The following TRHDE variants were observed in gnomAD, a reference collection of about 807,000 sequenced individuals.
The protein encoded by TRHDE is thyrotropin-releasing hormone-degrading ectoenzyme.
A neutral mutation model predicts 125.7 loss-of-function variants in TRHDE; 72 were observed. The observed-to-expected ratio is 0.57, with a 90% CI of 0.47 to 0.70. The LOEUF is 0.70. Ranked by LOEUF, TRHDE falls within the 30% of genes least tolerant of loss-of-function variation. The pLI, the probability that TRHDE is intolerant of heterozygous loss-of-function variation, is 0.00. For missense variants in TRHDE, 1,110 were observed against 1,327.1 expected (o/e 0.84, Z 2.54); for synonymous variants, 509 against 509.1 (o/e 1.00, Z 0.00).
chr12:72,260,171 T>C (rs1878916557), intron 2 of TRHDE, among the ~76,000 whole-genome samples: 1 of 152,184 alleles, frequency 6.6e-6, no homozygotes, highest in Non-Finnish European at 1.5e-5. Context: ...AGGTGCTTCT[T>C]ACCTTATATG....
At chr12:72,481,489 A>C (rs1017112243) in intron 5 of TRHDE, among the ~76,000 whole-genome samples, 1 of 151,566 alleles carries the variant, frequency 6.6e-6, no homozygotes, top group African/African-American at 2.4e-5. Context: ...TCAACACTTT[A>C]CATATATTAA....
chr12:72,249,100 C>T (rs1878631558), intron 2 of TRHDE, among the ~76,000 whole-genome samples: 7 of 151,918 alleles, frequency 4.6e-5, no homozygotes, highest in Admixed American at 4.6e-4. Flanking sequence ...CACATCTAGA[C>T]AAAAGCATAG....
intron 2 of TRHDE, chr12:72,258,027 G>C (rs191631317): frequency 6.6e-6 from 1 of 152,072 alleles, no homozygotes; most frequent in Non-Finnish European, 1.5e-5. Flanking sequence ...TAGAAGATGA[G>C]GGTGCAGAAG....
In TRHDE at chr12:72,369,637, C is replaced by T. The variant is rs1871486996; in HGVS notation, c.1189-8358C>T. Among the ~76,000 whole-genome samples the T allele has an allele frequency of 2.0e-5, 3 of 152,086 alleles. No homozygotes were observed. In the South Asian group the frequency reaches 6.2e-4, roughly 32 times the overall value. On this transcript the variant is annotated intron_variant, in intron 2 of 18. Transcript: ENST00000261180. Reference sequence around the variant, plus strand: ...TATAGCCCCCAGAAGGAACTTTGAGCTGAGACCCAGAGAAGTTAATGACTC... The same window carrying T: ...TATAGCCCCCAGAAGGAACTTTGAGTTGAGACCCAGAGAAGTTAATGACTC...
intron 3 of TRHDE, among the ~76,000 whole-genome samples, chr12:72,421,585 G>C (rs930777550): frequency 1.3e-5 from 2 of 152,136 alleles, no homozygotes; most frequent in African/African-American, 4.8e-5. Context: ...TGGTTACAAC[G>C]GAGTCTGTAA....
chr12:72,150,900 T>C (rs1259759787), intron 2 of TRHDE, among the ~76,000 whole-genome samples: 2 of 152,302 alleles, frequency 1.3e-5, no homozygotes, highest in African/African-American at 4.8e-5. Flanking sequence ...TTATAATCTT[T>C]TGGGTATATA....
chr12:72,372,273 G>T (rs1871636031), intron 2 of TRHDE, among the ~76,000 whole-genome samples: 1 of 151,776 alleles, frequency 6.6e-6, no homozygotes, highest in African/African-American at 2.4e-5. Context: ...TGAGTTCATT[G>T]TAGATTCTAG....
At chr12:72,601,856 A>G (rs1373648132) in intron 12 of TRHDE, among the ~76,000 whole-genome samples, 1 of 152,168 alleles carries the variant, frequency 6.6e-6, no homozygotes, top group Non-Finnish European at 1.5e-5. Context: ...AAACCAAAAA[A>G]ATTTGTGACT....
At chr12:72,267,850 G>A (rs139022771), upstream of TRHDE, among the ~76,000 whole-genome samples, 237 of 152,008 alleles carry the variant, frequency 1.6e-3, 1 homozygote, top group African/African-American at 5.5e-3. Flanking sequence ...TACAGAAATC[G>A]TGAAATTTCA....
intron 2 of TRHDE, among the ~76,000 whole-genome samples, chr12:72,224,590 A>C (rs568744888): frequency 6.6e-6 from 1 of 152,230 alleles, no homozygotes; most frequent in African/African-American, 2.4e-5. Context: ...GGTGGTAATA[A>C]GTTCTGCATC....
At chr12:72,635,109 G>C (rs1346101140) in intron 15 of TRHDE, among the ~76,000 whole-genome samples, 3 of 150,514 alleles carry the variant, frequency 2.0e-5, no homozygotes, top group African/African-American at 4.9e-5. Flanking sequence ...CTAGTTTACA[G>C]TCCCACCAAC....
chr12:72,534,104 C>G (rs1391052422), intron 6 of TRHDE, among the ~76,000 whole-genome samples: 1 of 152,090 alleles, frequency 6.6e-6, no homozygotes, highest in Non-Finnish European at 1.5e-5. Flanking sequence ...TTCTTTTAGC[C>G]AGGATCATGT....
chr12:72,435,795 AAC>A (rs1874716273), intron 3 of TRHDE, among the ~76,000 whole-genome samples: 5 of 152,012 alleles, frequency 3.3e-5, no homozygotes, highest in African/African-American at 1.2e-4. Context: ...TATAATTTTG[AAC>A]TAATGACCTG....
chr12:72,137,026 G>C (rs949869997), intron 2 of TRHDE, among the ~76,000 whole-genome samples: 1 of 152,162 alleles, frequency 6.6e-6, no homozygotes, highest in Admixed American at 6.5e-5. Flanking sequence ...CGGCAATAGC[G>C]AGTGAAACAG....
At chr12:72,265,087 T>A (rs1007278663) in intron 2 of TRHDE, among the ~76,000 whole-genome samples, 2 of 151,740 alleles carry the variant, frequency 1.3e-5, no homozygotes, top group Non-Finnish European at 2.9e-5. Context: ...CTTTTATCTT[T>A]TCTATAGTGC....
intron 2 of TRHDE, among the ~76,000 whole-genome samples, chr12:72,122,081 G>T (rs946817594): frequency 6.6e-6 from 1 of 151,836 alleles, no homozygotes; most frequent in African/African-American, 2.4e-5. Context: ...GAGGTGGTGG[G>T]AGAAATGAGG....
chr12:72,383,505 T>C (rs995368603), intron 3 of TRHDE, among the ~76,000 whole-genome samples: 1 of 151,244 alleles, frequency 6.6e-6, no homozygotes, highest in Non-Finnish European at 1.5e-5. Context: ...GCCTACCCAG[T>C]AGCTGGGACT....
intron 1 of TRHDE, among the ~76,000 whole-genome samples, chr12:72,097,195 G>T (rs1874945727): frequency 6.6e-6 from 1 of 152,118 alleles, no homozygotes; most frequent in South Asian, 2.1e-4. Flanking sequence ...TGTCCAATTT[G>T]AACAAATTGT....
intron 2 of TRHDE, among the ~76,000 whole-genome samples, chr12:72,107,217 G>A (rs1207653997): frequency 6.6e-6 from 1 of 152,082 alleles, no homozygotes; most frequent in South Asian, 2.1e-4. Flanking sequence ...TAATTTTGGT[G>A]TAGTCCCTCA....
Sources: gnomAD v4.1 joint callset for allele counts (sites outside exome capture counted in the v4.1 genomes callset) on GRCh38, gnomAD v4.1.1 for gene constraint, MANE v1.5 for transcripts, NCBI Gene and HGNC (gene_info 2026-07-23, HGNC 2026-07-21) for gene names.